ATL1: variants seen among roughly 807,000 people sequenced by gnomAD.
ATL1 encodes atlastin-1.
In ATL1, 31 loss-of-function variants were observed where a neutral mutation model predicts 75.5. The ratio of observed to expected loss-of-function variants is 0.41; its 90% CI spans 0.31 to 0.55. The LOEUF (loss-of-function observed/expected upper bound fraction) is 0.55, where lower values mean the gene tolerates loss of function less well. Ranked by LOEUF, ATL1 falls within the 20% of genes least tolerant of loss-of-function variation. The pLI is 0.27. For synonymous variants in ATL1, 226 were observed against 233.3 expected (o/e 0.97, Z 0.28); for missense variants, 405 against 662.6 (o/e 0.61, Z 4.27).
chr14:50,534,375 T>C (rs972530152), intron 1 of ATL1, among the ~76,000 whole-genome samples: 2 of 152,218 alleles, frequency 1.3e-5, no homozygotes, highest in South Asian at 4.1e-4. Flanking sequence ...GAGTAACCAA[T>C]TGATCAAGAA....
Position 50,628,197 on chromosome 14 carries a change from A to G in ATL1, c.1286A>G (p.Tyr429Cys). 1.2e-6 allele frequency: 2 copies of G among 1,614,222 alleles called. No individual in the cohort carries two copies. Among genetic ancestry groups the G allele is most frequent in the Non-Finnish European group, 1.7e-6 (2 of 1,180,038 alleles). Residue 429 changes from tyrosine to cysteine, a missense_variant, in exon 12 of 14, where the codon TAC becomes TGC. Tyr to Cys is a radical substitution (Grantham distance 194, BLOSUM62 -2). Transcript: ENST00000358385. ...QQLESEIDEL[Y>C]IQYIKHNDSK... ...TTGGAGAGTGAAATAGATGAACTTT[A>G]CATCCAATATATCAAGCACAATGAT...
intron 1 of ATL1, among the ~76,000 whole-genome samples, chr14:50,584,641 G>A (rs1401193422): frequency 6.6e-6 from 1 of 151,494 alleles, no homozygotes; most frequent in Non-Finnish European, 1.5e-5. Context: ...CCCGGGAGGC[G>A]GAGCTTGCAG....
rs1191300337 is a variant in ATL1 at position 50,553,441 on chromosome 14, T to A, written c.-139-6686T>A. Among the ~76,000 whole-genome samples the A allele has an allele frequency of 2.7e-5, 4 of 150,716 alleles. No individual in the cohort carries two copies. In the East Asian group the frequency reaches 7.7e-4, roughly 29 times the overall value. On this transcript the variant is annotated intron_variant, in intron 1 of 13. Coordinates refer to the ATL1 transcript ENST00000441560. ...TGCAGGAATGGCCATAATTTAAAAA[T>A]TAAAAAAAAATAGATGTTGGCATGG...
intron 5 of ATL1, among the ~76,000 whole-genome samples, chr14:50,594,976 G>A (rs1218933407): frequency 1.4e-5 from 2 of 147,208 alleles, no homozygotes; most frequent in East Asian, 4.0e-4. Flanking sequence ...TCCAGCCTGC[G>A]TGACAGAGTG....
intron 1 of ATL1, among the ~76,000 whole-genome samples, chr14:50,567,235 T>A (rs542759313): frequency 6.6e-6 from 1 of 152,304 alleles, no homozygotes; most frequent in South Asian, 2.1e-4. Context: ...TTTTTTTTAC[T>A]GGCTTTTTCA....
chr14:50,632,280 C>T lies in ATL1; in HGVS notation c.1618C>T (p.Gln540Ter). 6.2e-7 allele frequency: 1 copy of T among 1,613,640 alleles called. No individual in the cohort carries two copies. The highest frequency in any genetic ancestry group is 8.5e-7 in the Non-Finnish European group (1 of 1,179,702). ...AGCAACCCACAGACATCTGTATCAT[C>T]AAGCTTTCCCTACACCAAAGTCGGA... ...AAATHRHLYH[Q>*]AFPTPKSEST... The change falls in exon 14 of 14, where the codon CAA becomes TAA. Residue 540 changes from glutamine (Q) to a stop codon, truncating the protein, a stop_gained. Coordinates refer to ENST00000358385, the MANE Select transcript of ATL1 (RefSeq NM_015915.5). LOFTEE classifies it high-confidence loss of function.
rs750955964 is a variant in ATL1 at position 50,533,910 on chromosome 14, T to C, written c.-140+543T>C. ...GTGCTCCACACACAAAGGGCACTTA[T>C]TTGGGGAACATAAGTAAGCCCAGAC... is the stretch of plus-strand genomic sequence containing the variant. On this transcript the variant is annotated intron_variant, in intron 1 of 13. Transcript: ENST00000441560. Among the ~76,000 whole-genome samples the C allele has an allele frequency of 3.9e-5, 6 of 152,340 alleles. No homozygotes were observed. In the South Asian group the frequency reaches 6.2e-4, roughly 16 times the overall value.
At chr14:50,576,891 A>G (rs1023584888) in intron 1 of ATL1, among the ~76,000 whole-genome samples, 1 of 151,470 alleles carries the variant, frequency 6.6e-6, no homozygotes, top group African/African-American at 2.4e-5. Context: ...TTAGATTAGC[A>G]AGGATAATAT....
intron 6 of ATL1, among the ~76,000 whole-genome samples, chr14:50,611,132 C>G (rs2039362099): frequency 6.6e-6 from 1 of 152,074 alleles, no homozygotes; most frequent in Non-Finnish European, 1.5e-5. Context: ...TCTTGGCCGT[C>G]ATGTAGAGAG....
intron 1 of ATL1, among the ~76,000 whole-genome samples, chr14:50,581,297 A>G (rs1378014441): frequency 6.6e-6 from 1 of 151,362 alleles, no homozygotes; most frequent in South Asian, 2.1e-4. Context: ...CAAGTTTTTT[A>G]TATGTCATAT....
chr14:50,543,994 G>A (rs2038597027), intron 1 of ATL1, among the ~76,000 whole-genome samples: 1 of 152,156 alleles, frequency 6.6e-6, no homozygotes, highest in African/African-American at 2.4e-5. Context: ...TAGAGAAGGG[G>A]GTCATTGTAC....
intron 1 of ATL1, among the ~76,000 whole-genome samples, chr14:50,583,684 C>T (rs753170068): frequency 2.6e-5 from 4 of 152,152 alleles, no homozygotes; most frequent in Non-Finnish European, 5.9e-5. Flanking sequence ...GTTCAACTAA[C>T]AGATTGATTT....
At chr14:50,582,694 G>T (rs1388152946) in intron 1 of ATL1, among the ~76,000 whole-genome samples, 3 of 151,800 alleles carry the variant, frequency 2.0e-5, no homozygotes, top group Middle Eastern at 3.4e-3. Context: ...CCAAAGTGCT[G>T]GGATTACAAG....
chr14:50,626,414 T>G (rs1447322749), intron 11 of ATL1, among the ~76,000 whole-genome samples: 1 of 152,188 alleles, frequency 6.6e-6, no homozygotes, highest in Non-Finnish European at 1.5e-5. Flanking sequence ...GGTCCAAGAC[T>G]TCAGTGGAGG....
chr14:50,605,631 AT>A lies in ATL1; in HGVS notation c.631-7620del, dbSNP rs202029743. ...AAGTCTTCCAAAATAGCCTTCTGTAATTTTTTTTATTTTTCTTGCCCCCTAA... is the reference window on the plus strand; with the variant it reads ...AAGTCTTCCAAAATAGCCTTCTGTAATTTTTTTATTTTTCTTGCCCCCTAA... On this transcript the variant is annotated intron_variant, in intron 6 of 13. Coordinates refer to ENST00000358385, the MANE Select transcript of ATL1 (RefSeq NM_015915.5). Among the ~76,000 whole-genome samples the A allele has an allele frequency of 2.6e-5, 4 of 151,832 alleles. No homozygotes were observed. The East Asian group carries it at 7.7e-4, about 29-fold the overall frequency.
At chr14:50,568,642 A>G (rs1322123988) in intron 1 of ATL1, among the ~76,000 whole-genome samples, 1 of 152,010 alleles carries the variant, frequency 6.6e-6, no homozygotes, top group Non-Finnish European at 1.5e-5. Flanking sequence ...CTTTCTTTTG[A>G]TTGGAGAGTT....
intron 6 of ATL1, among the ~76,000 whole-genome samples, chr14:50,604,795 T>C (rs1289859417): frequency 6.6e-6 from 1 of 152,070 alleles, no homozygotes; most frequent in Non-Finnish European, 1.5e-5. Context: ...GGGTGGTTAA[T>C]ACAAAAAGAA....
At chr14:50,548,693 G>A (rs939357306) in intron 1 of ATL1, among the ~76,000 whole-genome samples, 1 of 151,982 alleles carries the variant, frequency 6.6e-6, no homozygotes, top group African/African-American at 2.4e-5. Context: ...TGTATTTTTA[G>A]TAGAGACAGG....
intron 2 of ATL1, among the ~76,000 whole-genome samples, chr14:50,588,395 A>T (rs2039122828): frequency 6.6e-6 from 1 of 152,212 alleles, no homozygotes; most frequent in Non-Finnish European, 1.5e-5. Context: ...TAATTTTTGT[A>T]TTGTAATCAC....
Sources: gnomAD v4.1 joint callset for allele counts (sites outside exome capture counted in the v4.1 genomes callset) on GRCh38, gnomAD v4.1.1 for gene constraint, MANE v1.5 for transcripts, NCBI Gene and HGNC (gene_info 2026-07-23, HGNC 2026-07-21) for gene names.